EYS: variants seen among roughly 807,000 people sequenced by gnomAD.
The protein encoded by EYS is protein eyes shut homolog.
Under a neutral mutation model 282.1 loss-of-function variants are expected in EYS, and 250 were observed. The observed-to-expected ratio is 0.89, with a 90% confidence interval of 0.80 to 0.98. The LOEUF is 0.98. Among genes scored for constraint, EYS ranks in the 50% least tolerant of loss-of-function variants. The pLI is 0.00. For synonymous variants in EYS, 1,355 were observed against 1,282.9 expected (o/e 1.06, Z -1.20); for missense variants, 4,016 against 3,709.0 (o/e 1.08, Z -2.15).
intron 19 of EYS, 62 bp downstream of exon 19, chr6:64,886,635 G>A: frequency 1.5e-6 from 2 of 1,344,192 alleles, no homozygotes; most frequent in Non-Finnish European, 2.0e-6. Context: ...GTATAAATAT[G>A]AGGTTTCTAT....
intron 22 of EYS, among the ~76,000 whole-genome samples, chr6:64,632,950 A>C (rs1767840869): frequency 6.6e-6 from 1 of 152,196 alleles, no homozygotes; most frequent in Non-Finnish European, 1.5e-5. Flanking sequence ...GAATCTAATT[A>C]TTAAATGTAT....
intron 1 of EYS, among the ~76,000 whole-genome samples, chr6:65,680,741 G>C: frequency 6.6e-6 from 1 of 151,732 alleles, no homozygotes; most frequent in Non-Finnish European, 1.5e-5. Flanking sequence ...ATTCTCTTCC[G>C]ACAGAGGAGA....
chr6:64,556,149 A>T (rs1309545320), intron 26 of EYS, among the ~76,000 whole-genome samples: 3 of 152,044 alleles, frequency 2.0e-5, no homozygotes, highest in Non-Finnish European at 2.9e-5. Flanking sequence ...CTCATGATAA[A>T]TAAAAATATT....
At chr6:64,592,393 C>T (rs1766440551) in intron 25 of EYS, among the ~76,000 whole-genome samples, 1 of 152,064 alleles carries the variant, frequency 6.6e-6, no homozygotes, top group Admixed American at 6.6e-5. Flanking sequence ...GCAAAATGTT[C>T]TGTTTATATT....
rs67505285 is a variant in EYS, at chr6:65,120,460, C to CAAAAAAA, written c.2024-62740_2024-62734dup. On this transcript the variant is annotated intron_variant, in intron 12 of 42. Coordinates refer to ENST00000503581, the MANE Select transcript of EYS (RefSeq NM_001142800.2). ...ACATTACTCTTTTTCTTTAAATAAG[C>CAAAAAAA]AAAAAAAAAAAAAAAAAAAAAAAAT... is the stretch of plus-strand genomic sequence containing the variant. Among the ~76,000 whole-genome samples the CAAAAAAA allele has an allele frequency of 1.9e-3, 131 of 68,250 alleles. 8 individuals carry two copies. The highest frequency in any genetic ancestry group is 0.01 in the Middle Eastern group (1 of 96). The allele number at this position is 68,250 out of a possible 152,430, so 44.8% of individuals were successfully genotyped here. A position where few individuals can be genotyped will look rare whatever the true frequency, so the allele number is the denominator to read the frequency against.
chr6:64,376,249 C>T (rs552300938), intron 29 of EYS, among the ~76,000 whole-genome samples: 196 of 152,194 alleles, frequency 1.3e-3, no homozygotes, highest in Non-Finnish European at 2.2e-3. Flanking sequence ...GGAAACCTTC[C>T]TTGAGGAATT....
At chr6:64,686,104 T>A (rs1770089478) in intron 22 of EYS, among the ~76,000 whole-genome samples, 1 of 149,540 alleles carries the variant, frequency 6.7e-6, no homozygotes, top group Non-Finnish European at 1.5e-5. Flanking sequence ...TTAAAAACAT[T>A]AAAAAAAAAC....
chr6:64,768,961 A>G (rs1773439477), intron 22 of EYS, among the ~76,000 whole-genome samples: 1 of 152,126 alleles, frequency 6.6e-6, no homozygotes, highest in Non-Finnish European at 1.5e-5. Flanking sequence ...GCAATTGTGT[A>G]TGAATGGAGC....
At chr6:64,916,891 A>C (rs1385015271) in intron 15 of EYS, among the ~76,000 whole-genome samples, 1 of 152,246 alleles carries the variant, frequency 6.6e-6, no homozygotes, top group Non-Finnish European at 1.5e-5. Flanking sequence ...CAAATCTTAA[A>C]TGCTGATTTA....
chr6:65,686,529 CA>C, intron 1 of EYS, among the ~76,000 whole-genome samples: 2 of 152,174 alleles, frequency 1.3e-5, no homozygotes, highest in South Asian at 4.1e-4. Flanking sequence ...CACACAAACA[CA>C]TACGAATACA....
At chr6:65,609,373 C>T (rs981444413) in intron 2 of EYS, among the ~76,000 whole-genome samples, 1 of 150,624 alleles carries the variant, frequency 6.6e-6, no homozygotes, top group Non-Finnish European at 1.5e-5. Flanking sequence ...ATTGTAAGAA[C>T]TGTATAAAAT....
intron 1 of EYS, among the ~76,000 whole-genome samples, chr6:65,653,552 C>T (rs572381106): frequency 6.6e-6 from 1 of 151,792 alleles, no homozygotes; most frequent in South Asian, 2.1e-4. Context: ...CATATCATTG[C>T]CGTATTCACA....
At chr6:65,229,005 T>C (rs524955) in intron 12 of EYS, among the ~76,000 whole-genome samples, 50,447 of 151,654 alleles carry the variant, frequency 0.33, 9,624 homozygotes, top group African/African-American at 0.52. Flanking sequence ...TATACAAAAA[T>C]TAAGACAAAA....
Position 65,705,934 on chromosome 6 carries a change from TC to T in EYS, c.-448+1200del, listed in dbSNP as rs1769863157. Reference sequence around the variant, plus strand: ...CACTAGTAATATTGTATTTCCTTAATCCTGCTAATAATATAAACTGAATCAT... The same window carrying T: ...CACTAGTAATATTGTATTTCCTTAATCTGCTAATAATATAAACTGAATCAT... On this transcript the variant is annotated intron_variant, in intron 1 of 42. Coordinates refer to ENST00000503581, the MANE Select transcript of EYS (RefSeq NM_001142800.2). Among the ~76,000 whole-genome samples the T allele has an allele frequency of 7.2e-5, 11 of 152,084 alleles. No individual in the cohort carries two copies. The South Asian group carries it at 2.3e-3, about 32-fold the overall frequency.
intron 28 of EYS, among the ~76,000 whole-genome samples, chr6:64,398,855 A>ATGG (rs1257587831): frequency 6.6e-6 from 1 of 151,908 alleles, no homozygotes; most frequent in Non-Finnish European, 1.5e-5. Flanking sequence ...GGGAGAAAAA[A>ATGG]TGGTTCAACA....
At chr6:64,594,328 G>T (rs189742076) in intron 24 of EYS, among the ~76,000 whole-genome samples, 17 of 152,172 alleles carry the variant, frequency 1.1e-4, no homozygotes, top group Non-Finnish European at 2.1e-4. Flanking sequence ...TGTGAATAGT[G>T]CTGCAATAAA....
At chr6:64,942,840 A>AAC (rs1554220174) in intron 15 of EYS, among the ~76,000 whole-genome samples, 2 of 151,174 alleles carry the variant, frequency 1.3e-5, no homozygotes, top group African/African-American at 4.9e-5. Context: ...AAAAAAAAAA[A>AAC]AAACAAAAAT....
chr6:65,542,611 C>T (rs1252145516), intron 2 of EYS, among the ~76,000 whole-genome samples: 2 of 151,786 alleles, frequency 1.3e-5, no homozygotes, highest in Non-Finnish European at 2.9e-5. Flanking sequence ...GGTCATATTC[C>T]AAATTCCATT....
At chr6:64,600,168 G>GT (rs1221708216) in intron 24 of EYS, among the ~76,000 whole-genome samples, 1 of 151,882 alleles carries the variant, frequency 6.6e-6, no homozygotes, top group Non-Finnish European at 1.5e-5. Flanking sequence ...TACTTTGAGT[G>GT]GTTTCATGCC....
Sources: allele counts gnomAD v4.1 joint callset (sites outside exome capture counted in the v4.1 genomes callset), GRCh38; gene constraint gnomAD v4.1.1; transcripts MANE v1.5; gene names NCBI Gene and HGNC (gene_info 2026-07-23, HGNC 2026-07-21).